BBS9: variants seen among roughly 807,000 people sequenced by gnomAD.
BBS9 encodes the protein protein PTHB1.
BBS9 carries 89 observed loss-of-function variants against 117.7 expected under a neutral mutation model. That is an observed-to-expected ratio of 0.76 (90% confidence interval 0.64 to 0.90). The LOEUF (loss-of-function observed/expected upper bound fraction) is 0.90, where lower values mean the gene tolerates loss of function less well. Ranked by LOEUF, BBS9 falls within the 40% of genes least tolerant of loss-of-function variation. BBS9 has a pLI of 0.00. For synonymous variants in BBS9, 379 were observed against 370.9 expected (o/e 1.02, Z -0.25); for missense variants, 982 against 1,042.2 (o/e 0.94, Z 0.80).
At chr7:33,411,743 A>T (rs939683558) in intron 19 of BBS9, among the ~76,000 whole-genome samples, 2 of 152,162 alleles carry the variant, frequency 1.3e-5, no homozygotes, top group Non-Finnish European at 2.9e-5. Flanking sequence ...AATGAATATT[A>T]TTTGATCATT....
At chr7:33,337,444 TA>T (rs1348088633) in intron 10 of BBS9, among the ~76,000 whole-genome samples, 1 of 152,140 alleles carries the variant, frequency 6.6e-6, no homozygotes, top group Non-Finnish European at 1.5e-5. Flanking sequence ...GAGCCAATCT[TA>T]ATCCTGATCC....
At chr7:33,311,123 G>A (rs544321301) in intron 9 of BBS9, among the ~76,000 whole-genome samples, 1 of 152,300 alleles carries the variant, frequency 6.6e-6, no homozygotes, top group East Asian at 1.9e-4. Context: ...ACCAGACAAA[G>A]ATCCTTTCTA....
At chr7:33,280,905 GTTTTTGTTTTTTTT>G (rs1221905420) in intron 9 of BBS9, among the ~76,000 whole-genome samples, 1 of 48,772 alleles carries the variant, frequency 2.1e-5, no homozygotes, top group Admixed American at 2.5e-4. Context: ...TTAATTTGTC[GTTTTTGTTTTTTTT>G]TTTTTTTTTT....
At chr7:33,383,402 A>G (rs1253619907) in intron 17 of BBS9, among the ~76,000 whole-genome samples, 2 of 152,210 alleles carry the variant, frequency 1.3e-5, no homozygotes, top group East Asian at 1.9e-4. Flanking sequence ...ACTGAAGCCT[A>G]TTATAAGATA....
chr7:33,581,639 G>T (rs1370176717), intron 21 of BBS9, among the ~76,000 whole-genome samples: 1 of 152,064 alleles, frequency 6.6e-6, no homozygotes, highest in African/African-American at 2.4e-5. Flanking sequence ...CTGCCAAGAG[G>T]GTTGGTTATT....
intron 19 of BBS9, among the ~76,000 whole-genome samples, chr7:33,407,000 A>C (rs922686591): frequency 6.9e-6 from 1 of 145,204 alleles, no homozygotes; most frequent in Non-Finnish European, 1.5e-5. Context: ...AGATTGGGGA[A>C]GTTCTCCTGG....
intron 9 of BBS9, among the ~76,000 whole-genome samples, chr7:33,292,515 C>T (rs543165884): frequency 3.9e-5 from 6 of 152,292 alleles, no homozygotes; most frequent in South Asian, 2.1e-4. Context: ...GCATGACCCA[C>T]CGCACACCAT....
At chr7:33,513,362 A>G (rs1040566487) in intron 20 of BBS9, among the ~76,000 whole-genome samples, 1 of 152,162 alleles carries the variant, frequency 6.6e-6, no homozygotes, top group Non-Finnish European at 1.5e-5. Context: ...TTTCTCATTA[A>G]GTACTCTAAA....
At chr7:33,207,806 A>G (rs1390725949) in intron 5 of BBS9, among the ~76,000 whole-genome samples, 9 of 149,152 alleles carry the variant, frequency 6.0e-5, no homozygotes, top group Admixed American at 5.3e-4. Flanking sequence ...ACTTACATAT[A>G]GATATAACTT....
chr7:33,132,195 C>T (rs529040868), intron 1 of BBS9, among the ~76,000 whole-genome samples: 2 of 152,132 alleles, frequency 1.3e-5, no homozygotes, highest in Admixed American at 6.6e-5. Context: ...CATGGAGGGG[C>T]GTGTGCATAG....
chr7:33,554,400 A>C (rs939511398), intron 21 of BBS9, among the ~76,000 whole-genome samples: 2 of 152,186 alleles, frequency 1.3e-5, no homozygotes, highest in Admixed American at 1.3e-4. Context: ...GACTGGGGTT[A>C]TGGCAATGGA....
chr7:33,524,698 C>A (rs1437125322), intron 20 of BBS9, among the ~76,000 whole-genome samples: 1 of 152,114 alleles, frequency 6.6e-6, no homozygotes, highest in Admixed American at 6.5e-5. Flanking sequence ...TTCAAAAAAC[C>A]AGCTCCTGGA....
intron 19 of BBS9, among the ~76,000 whole-genome samples, chr7:33,391,359 T>G (rs1827045681): frequency 6.6e-6 from 1 of 152,130 alleles, no homozygotes; most frequent in Non-Finnish European, 1.5e-5. Context: ...TTTTTTTTCC[T>G]CCTGTGATGG....
At chr7:33,153,501 G>A (rs1012949451) in intron 3 of BBS9, among the ~76,000 whole-genome samples, 3 of 152,116 alleles carry the variant, frequency 2.0e-5, no homozygotes, top group Admixed American at 1.3e-4. Context: ...TTAGAAGTAC[G>A]ATGAACACTT....
At chr7:33,591,531 C>T (rs762726496) in intron 21 of BBS9, among the ~76,000 whole-genome samples, 39 of 151,952 alleles carry the variant, frequency 2.6e-4, no homozygotes, top group African/African-American at 4.6e-4. Context: ...TGCCAACACC[C>T]GTAAAGTATT....
At chr7:33,592,621 G>A (rs1862117958) in intron 21 of BBS9, among the ~76,000 whole-genome samples, 1 of 152,086 alleles carries the variant, frequency 6.6e-6, no homozygotes, top group African/African-American at 2.4e-5. Context: ...GAGCTGTTGT[G>A]TTCTTTTCTG....
chr7:33,289,595 T>TA (rs1424965941), intron 9 of BBS9, among the ~76,000 whole-genome samples: 1 of 152,220 alleles, frequency 6.6e-6, no homozygotes, highest in Non-Finnish European at 1.5e-5. Flanking sequence ...TACTACTTTT[T>TA]ATCTTTAACT....
intron 19 of BBS9, among the ~76,000 whole-genome samples, chr7:33,414,480 A>G (rs1584739171): frequency 1.3e-5 from 2 of 152,202 alleles, no homozygotes; most frequent in Non-Finnish European, 2.9e-5. Flanking sequence ...AAAAGCACCC[A>G]TAGTTCCCTG....
At chr7:33,591,594 G>A (rs545952104) in intron 21 of BBS9, among the ~76,000 whole-genome samples, 1 of 152,018 alleles carries the variant, frequency 6.6e-6, no homozygotes, top group East Asian at 1.9e-4. Context: ...TTCCTTCAAG[G>A]CATACATTTA....
Sources: allele counts gnomAD v4.1 joint callset (sites outside exome capture counted in the v4.1 genomes callset), GRCh38; gene constraint gnomAD v4.1.1; transcripts MANE v1.5; gene names NCBI Gene and HGNC (gene_info 2026-07-23, HGNC 2026-07-21).